RSF1: variants seen among roughly 807,000 people sequenced by gnomAD.
RSF1 encodes the protein HBV pX-associated protein 8.
RSF1 carries 13 observed loss-of-function variants against 145.2 expected under a neutral mutation model. The ratio of observed to expected loss-of-function variants is 0.09; its 90% CI spans 0.06 to 0.14. The LOEUF (loss-of-function observed/expected upper bound fraction) is 0.14. Among genes scored for constraint, RSF1 ranks in the 10% least tolerant of loss-of-function variants. The pLI is 1.00. For synonymous variants in RSF1, 577 were observed against 592.6 expected (o/e 0.97, Z 0.38); for missense variants, 1,517 against 1,718.2 (o/e 0.88, Z 2.07).
intron 14 of RSF1, among the ~76,000 whole-genome samples, chr11:77,673,899 C>A (rs1419429546): frequency 6.6e-6 from 1 of 151,414 alleles, no homozygotes; most frequent in Admixed American, 6.6e-5. Context: ...CAAGATGAGA[C>A]AAAATTTGAG....
chr11:77,799,094 T>C (rs1260125164), intron 1 of RSF1, among the ~76,000 whole-genome samples: 1 of 151,794 alleles, frequency 6.6e-6, no homozygotes, highest in Non-Finnish European at 1.5e-5. Flanking sequence ...CACAACCTCT[T>C]GAATGGGGGA....
intron 1 of RSF1, among the ~76,000 whole-genome samples, chr11:77,795,737 AAC>A (rs1843182462): frequency 6.6e-6 from 1 of 152,236 alleles, no homozygotes; most frequent in African/African-American, 2.4e-5. Flanking sequence ...TAACAACTTA[AAC>A]ATTATTTGTA....
chr11:77,710,935 G>C (rs1386294257), intron 5 of RSF1, among the ~76,000 whole-genome samples: 1 of 151,910 alleles, frequency 6.6e-6, no homozygotes, highest in Non-Finnish European at 1.5e-5. Context: ...ATGATTCCTA[G>C]CTTATCATGC....
chr11:77,677,442 TAG>T (rs1275714369), intron 12 of RSF1, among the ~76,000 whole-genome samples: 3 of 152,266 alleles, frequency 2.0e-5, no homozygotes, highest in East Asian at 1.9e-4. Context: ...AAGAGGCCAA[TAG>T]AGTTTTTAAA....
At chr11:77,830,987 CAAA>C in the RSF1 span, among the ~76,000 whole-genome samples, 2,160 of 100,492 alleles carry the variant, frequency 0.021, 24 homozygotes, top group Non-Finnish European at 0.031. Flanking sequence ...CAAAATATAC[CAAA>C]AAAAAAAAAA....
chr11:77,853,582 G>T, the RSF1 span, among the ~76,000 whole-genome samples: 1 of 152,084 alleles, frequency 6.6e-6, no homozygotes, highest in Admixed American at 6.6e-5. Flanking sequence ...TTTGGTCAGG[G>T]ACACAAATTC....
chr11:77,821,301 TTAA>T (rs1948886583), upstream of RSF1: 1 of 177,782 alleles, frequency 5.6e-6, no homozygotes, highest in African/African-American at 2.4e-5. Flanking sequence ...TTGAGGAGAA[TTAA>T]TAAACAGAAA....
At position 77,702,238 on chromosome 11, in the gene RSF1, C is replaced by T; in HGVS notation, c.991G>A (p.Ala331Thr). The T allele has an allele frequency of 6.2e-7, 1 of 1,613,074 alleles. No individual in the cohort carries two copies. ...PIKVEVKECR[A>T]DPKDTKSSME... ...CTACTTTTGGTATCTTTAGGATCTG[C>T]TCTACATTCCTTCACCTCAACTTTA... is the stretch of plus-strand genomic sequence containing the variant. The change falls in exon 6 of 16, where the codon GCA becomes ACA. Residue 331 changes from alanine (A) to threonine (T), a missense_variant. Coordinates refer to ENST00000308488, the MANE Select transcript of RSF1 (RefSeq NM_016578.4).
At chr11:77,727,115 G>A (rs186602699) in intron 4 of RSF1, among the ~76,000 whole-genome samples, 23 of 152,226 alleles carry the variant, frequency 1.5e-4, no homozygotes, top group Non-Finnish European at 3.1e-4. Context: ...CAAAAGGTAA[G>A]ACTAGATGTT....
intron 8 of RSF1, among the ~76,000 whole-genome samples, chr11:77,691,967 C>A (rs547453754): frequency 6.6e-6 from 1 of 151,970 alleles, no homozygotes; most frequent in South Asian, 2.1e-4. Context: ...CTTGGCTTAC[C>A]GCAACCTCTG....
chr11:77,777,602 T>C (rs1482407150), intron 1 of RSF1, among the ~76,000 whole-genome samples: 3 of 151,902 alleles, frequency 2.0e-5, no homozygotes, highest in African/African-American at 7.3e-5. Flanking sequence ...TCAAAATAAA[T>C]AAAAAAATAA....
At chr11:77,740,322 C>G (rs1961477802) in intron 4 of RSF1, among the ~76,000 whole-genome samples, 2 of 152,202 alleles carry the variant, frequency 1.3e-5, no homozygotes, top group South Asian at 4.1e-4. Flanking sequence ...TTACAGTGAG[C>G]CGAGATTGCG....
At chr11:77,832,330 C>CT in the RSF1 span, among the ~76,000 whole-genome samples, 11 of 147,726 alleles carry the variant, frequency 7.4e-5, no homozygotes, top group South Asian at 2.1e-4. Flanking sequence ...AATAGAGGAA[C>CT]TTTTTTTTTT....
chr11:77,725,754 C>A, intron 4 of RSF1, 55 bp from the exon 5 acceptor site: 2 of 1,377,456 alleles, frequency 1.5e-6, no homozygotes, highest in Middle Eastern at 2.0e-4. Context: ...TTCTAGAGAA[C>A]TTTCTGAATA....
At chr11:77,679,612 G>C (rs1281938084) in intron 11 of RSF1, among the ~76,000 whole-genome samples, 1 of 150,854 alleles carries the variant, frequency 6.6e-6, no homozygotes, top group East Asian at 1.9e-4. Context: ...GGCAGAGGAT[G>C]AAGTAAGCCG....
intron 4 of RSF1, among the ~76,000 whole-genome samples, chr11:77,728,685 T>C (rs985370472): frequency 3.3e-5 from 5 of 152,036 alleles, no homozygotes; most frequent in African/African-American, 1.2e-4. Flanking sequence ...AAGTCACTTA[T>C]TATATAATTC....
chr11:77,813,415 A>T, intron 1 of RSF1: 1 of 1,228,110 alleles, frequency 8.1e-7, no homozygotes, highest in Non-Finnish European at 1.2e-6. Flanking sequence ...CAAGTCAATG[A>T]GTCGCTTGTG....
At chr11:77,730,295 T>G (rs562301273) in intron 4 of RSF1, among the ~76,000 whole-genome samples, 2 of 152,210 alleles carry the variant, frequency 1.3e-5, no homozygotes, top group Non-Finnish European at 2.9e-5. Context: ...TTTGTAATTA[T>G]GGGTACATGA....
At position 77,714,196 on chromosome 11, in the gene RSF1, C is replaced by T. The variant is rs200220172; in HGVS notation, c.733+11349G>A. ...CCTATGCCCAGCAGTTTCACATCAGCGTGGAGCTTAATCCTGGAAAGGCTT... is the reference window on the plus strand; with the variant it reads ...CCTATGCCCAGCAGTTTCACATCAGTGTGGAGCTTAATCCTGGAAAGGCTT... On this transcript the variant is annotated intron_variant, in intron 5 of 15. Transcript: ENST00000308488. Among the ~76,000 whole-genome samples, 4 of 152,234 alleles carry T rather than the reference C, an allele frequency of 2.6e-5. No individual in the cohort carries two copies. In the East Asian group the frequency reaches 5.8e-4, roughly 22 times the overall value.
Sources: gnomAD v4.1 joint callset for allele counts (sites outside exome capture counted in the v4.1 genomes callset) on GRCh38, gnomAD v4.1.1 for gene constraint, MANE v1.5 for transcripts, NCBI Gene and HGNC (gene_info 2026-07-23, HGNC 2026-07-21) for gene names.